GRM5: variants seen among roughly 807,000 people sequenced by gnomAD.
GRM5 encodes metabotropic glutamate receptor 5.
In GRM5, 19 loss-of-function variants were observed where a neutral mutation model predicts 83.1. The observed-to-expected ratio is 0.23, with a 90% confidence interval of 0.16 to 0.34. The LOEUF (loss-of-function observed/expected upper bound fraction) is 0.34, where lower values mean the gene tolerates loss of function less well. Ranked by LOEUF, GRM5 falls within the 10% of genes least tolerant of loss-of-function variation. The pLI, the probability that GRM5 is intolerant of heterozygous loss-of-function variation, is 1.00. For synonymous variants in GRM5, 675 were observed against 633.6 expected (o/e 1.07, Z -0.98); for missense variants, 1,160 against 1,588.3 (o/e 0.73, Z 4.58).
chr11:88,524,217 T>TCTTTCTTTCTTTCTTACTTTC (rs60762608), intron 9 of GRM5, among the ~76,000 whole-genome samples: 1 of 51,890 alleles, frequency 1.9e-5, no homozygotes, highest in Non-Finnish European at 6.0e-5. Context: ...TTTCTTTCTT[T>TCTTTCTTTCTTTCTTACTTTC]TTTTTTTTTT....
At chr11:88,941,169 G>T (rs1050359262) in intron 2 of GRM5, among the ~76,000 whole-genome samples, 1 of 151,612 alleles carries the variant, frequency 6.6e-6, no homozygotes, top group Non-Finnish European at 1.5e-5. Context: ...GCAAATAAAA[G>T]TACAAGGTGA....
chr11:88,677,743 G>A (rs1015830857), intron 3 of GRM5, among the ~76,000 whole-genome samples: 2 of 152,114 alleles, frequency 1.3e-5, no homozygotes, highest in Admixed American at 6.6e-5. Flanking sequence ...AAATTGAGAT[G>A]TGATTATCAA....
At chr11:88,837,376 T>C (rs1944111167) in intron 3 of GRM5, among the ~76,000 whole-genome samples, 1 of 152,200 alleles carries the variant, frequency 6.6e-6, no homozygotes, top group Admixed American at 6.5e-5. Context: ...TCTTCAGCTA[T>C]AAAATGAAGT....
At chr11:88,652,713 T>G (rs1939663484) in intron 4 of GRM5, among the ~76,000 whole-genome samples, 1 of 152,076 alleles carries the variant, frequency 6.6e-6, no homozygotes. Context: ...ATTTTATGGT[T>G]TATTGATGGA....
intron 3 of GRM5, among the ~76,000 whole-genome samples, chr11:88,674,166 T>C (rs1400130103): frequency 1.3e-5 from 2 of 151,884 alleles, no homozygotes; most frequent in African/African-American, 4.8e-5. Context: ...GCATTTGAGA[T>C]GGTTGACTAC....
intron 1 of GRM5, among the ~76,000 whole-genome samples, chr11:89,055,456 T>C (rs1591082907): frequency 6.6e-6 from 1 of 152,184 alleles, no homozygotes; most frequent in Non-Finnish European, 1.5e-5. Context: ...CTTATAGTAT[T>C]CATTACCAAG....
At chr11:88,572,275 A>G (rs2135179871) in intron 7 of GRM5, among the ~76,000 whole-genome samples, 1 of 152,354 alleles carries the variant, frequency 6.6e-6, no homozygotes, top group East Asian at 1.9e-4. Flanking sequence ...AGCAGAGCCT[A>G]GCAGTCTGGT....
intron 3 of GRM5, among the ~76,000 whole-genome samples, chr11:88,687,537 TACACACACACACACAC>T (rs1343240081): frequency 5.9e-5 from 3 of 51,086 alleles, no homozygotes; most frequent in Non-Finnish European, 9.9e-5. Flanking sequence ...TACATATATA[TACACACACACACACAC>T]ATATATATTA....
At chr11:88,520,557 T>C (rs1384963930) in intron 9 of GRM5, among the ~76,000 whole-genome samples, 2 of 152,360 alleles carry the variant, frequency 1.3e-5, no homozygotes, top group South Asian at 2.1e-4. Context: ...AGGAGTTTTA[T>C]ATTGCATTGC....
At chr11:88,605,801 T>C (rs1290762311) in intron 4 of GRM5, among the ~76,000 whole-genome samples, 2 of 152,192 alleles carry the variant, frequency 1.3e-5, no homozygotes, top group Admixed American at 6.5e-5. Flanking sequence ...AAATTTGTTA[T>C]TGATGATTGA....
At chr11:88,843,599 A>G (rs897803849) in intron 3 of GRM5, among the ~76,000 whole-genome samples, 1 of 152,232 alleles carries the variant, frequency 6.6e-6, no homozygotes, top group African/African-American at 2.4e-5. Flanking sequence ...TAATAGCCCT[A>G]CAATGGCTAA....
chr11:89,044,095 C>A (rs1223308102), intron 2 of GRM5, among the ~76,000 whole-genome samples: 1 of 152,120 alleles, frequency 6.6e-6, no homozygotes, highest in African/African-American at 2.4e-5. Context: ...CCTGTGTCAT[C>A]GTGGGCACAT....
At chr11:88,587,189 T>C (rs1343343832) in intron 7 of GRM5, among the ~76,000 whole-genome samples, 2 of 152,290 alleles carry the variant, frequency 1.3e-5, no homozygotes, top group African/African-American at 4.8e-5. Context: ...GAATTTGTTT[T>C]AGAAATACAG....
At chr11:89,040,995 C>A (rs1455440017) in intron 2 of GRM5, among the ~76,000 whole-genome samples, 1 of 152,220 alleles carries the variant, frequency 6.6e-6, no homozygotes, top group Non-Finnish European at 1.5e-5. Context: ...ATAAACATCT[C>A]ACAGCATGCC....
chr11:89,063,055 C>A (rs1942026951), intron 1 of GRM5, among the ~76,000 whole-genome samples: 1 of 152,242 alleles, frequency 6.6e-6, no homozygotes, highest in Non-Finnish European at 1.5e-5. Flanking sequence ...CTTCCTGCAG[C>A]AGGCGCCACG....
intron 7 of GRM5, among the ~76,000 whole-genome samples, chr11:88,571,816 G>GCTC (rs1475221051): frequency 1.3e-5 from 2 of 152,098 alleles, no homozygotes; most frequent in African/African-American, 4.8e-5. Context: ...TGGTGGTGTG[G>GCTC]GGAGATAGAT....
intron 2 of GRM5, among the ~76,000 whole-genome samples, chr11:88,936,069 T>G (rs1238679360): frequency 1.3e-5 from 2 of 151,820 alleles, no homozygotes; most frequent in Admixed American, 6.6e-5. Flanking sequence ...GAGGAGAAGC[T>G]GATGATTAAT....
intron 3 of GRM5, among the ~76,000 whole-genome samples, chr11:88,772,715 G>C (rs560584728): frequency 6.6e-6 from 1 of 151,806 alleles, no homozygotes. Context: ...TTTTCTGTCC[G>C]AGCGATAGTT....
chr11:88,560,155 G>A (rs1305379699), intron 8 of GRM5, among the ~76,000 whole-genome samples: 1 of 152,154 alleles, frequency 6.6e-6, no homozygotes, highest in Admixed American at 6.5e-5. Context: ...ATTAGCAAGG[G>A]CCTTTCCTAT....
Sources: allele counts gnomAD v4.1 joint callset (sites outside exome capture counted in the v4.1 genomes callset), GRCh38; gene constraint gnomAD v4.1.1; transcripts MANE v1.5; gene names NCBI Gene and HGNC (gene_info 2026-07-23, HGNC 2026-07-21).